Variants in AOPEP observed in about 807,000 individuals in gnomAD.
The protein encoded by AOPEP is aminopeptidase O (putative), also known as aminopeptidase O.
Under a neutral mutation model 98.1 loss-of-function variants are expected in AOPEP, and 77 were observed. That is an observed-to-expected ratio of 0.78 (90% confidence interval 0.65 to 0.95). The LOEUF (loss-of-function observed/expected upper bound fraction) is 0.95. Ranked by LOEUF, AOPEP falls within the 40% of genes least tolerant of loss-of-function variation. The probability of loss-of-function intolerance (pLI) is 0.00; values close to 1 mark genes in which losing one functional copy is unlikely to be tolerated. For missense variants in AOPEP, 1,024 were observed against 1,024.7 expected (o/e 1.00, Z 0.01); for synonymous variants, 346 against 365.3 (o/e 0.95, Z 0.60).
chr9:94,974,084 A>G (rs1332488201), intron 10 of AOPEP, among the ~76,000 whole-genome samples: 1 of 152,124 alleles, frequency 6.6e-6, no homozygotes, highest in Non-Finnish European at 1.5e-5. Context: ...TTCTTCCCTG[A>G]GCTACCTGCA....
chr9:94,730,870 T>G (rs909122484), intron 1 of AOPEP, among the ~76,000 whole-genome samples: 1 of 152,232 alleles, frequency 6.6e-6, no homozygotes, highest in Non-Finnish European at 1.5e-5. Context: ...AATATAATTA[T>G]ACTATTTTAT....
At chr9:95,111,175 T>C in the AOPEP span, 3 of 1,535,892 alleles carry the variant, frequency 2.0e-6, no homozygotes, top group Middle Eastern at 1.7e-4. Flanking sequence ...GGGGCAGATA[T>C]GGCAGCTGAG....
At chr9:94,783,881 A>G (rs534052369) in intron 3 of AOPEP, among the ~76,000 whole-genome samples, 1 of 152,140 alleles carries the variant, frequency 6.6e-6, no homozygotes, top group Non-Finnish European at 1.5e-5. Flanking sequence ...GAAATAAGGA[A>G]TTGTGGTTAG....
At chr9:95,034,721 T>C (rs955147324) in intron 13 of AOPEP, among the ~76,000 whole-genome samples, 2 of 152,230 alleles carry the variant, frequency 1.3e-5, no homozygotes, top group Non-Finnish European at 2.9e-5. Context: ...TCAAGTTTGC[T>C]CTTAATTCTG....
intron 7 of AOPEP, among the ~76,000 whole-genome samples, chr9:94,947,440 G>A (rs952674403): frequency 2.9e-4 from 44 of 152,088 alleles, no homozygotes; most frequent in African/African-American, 8.2e-4. Context: ...ACCACATCTC[G>A]CTTTGTTGCC....
At chr9:95,139,861 TATTC>T in the AOPEP span, among the ~76,000 whole-genome samples, 1 of 147,388 alleles carries the variant, frequency 6.8e-6, no homozygotes, top group East Asian at 2.0e-4. Flanking sequence ...TAAATATATA[TATTC>T]ATTCATTCTG....
intron 1 of AOPEP, among the ~76,000 whole-genome samples, chr9:94,755,980 C>A (rs1184446585): frequency 6.6e-6 from 1 of 151,852 alleles, no homozygotes; most frequent in Non-Finnish European, 1.5e-5. Flanking sequence ...CAACCCTAGG[C>A]CAGGCAGGGT....
chr9:95,091,338 T>G (rs930178915), downstream of AOPEP, among the ~76,000 whole-genome samples: 1 of 152,192 alleles, frequency 6.6e-6, no homozygotes, highest in Admixed American at 6.5e-5. Context: ...AGCAGAACTC[T>G]GGGTGCGCAG....
At chr9:94,958,092 C>G (rs1290506880) in intron 9 of AOPEP, among the ~76,000 whole-genome samples, 1 of 152,176 alleles carries the variant, frequency 6.6e-6, no homozygotes, top group Non-Finnish European at 1.5e-5. Context: ...TACTTTCTGT[C>G]TCTGTGAGTT....
intron 7 of AOPEP, among the ~76,000 whole-genome samples, chr9:94,942,727 G>A (rs138378232): frequency 4.6e-5 from 7 of 152,106 alleles, no homozygotes; most frequent in East Asian, 1.9e-4. Context: ...GTAAAGTTTC[G>A]AGATATAGGA....
chr9:95,117,327 G>A, the AOPEP span: 6 of 1,614,070 alleles, frequency 3.7e-6, no homozygotes, highest in Non-Finnish European at 5.1e-6. Flanking sequence ...TGAGGGTCTT[G>A]CAGCAGCACC....
chr9:95,037,488 G>A (rs776826476), intron 13 of AOPEP, among the ~76,000 whole-genome samples: 1 of 152,184 alleles, frequency 6.6e-6, no homozygotes, highest in Non-Finnish European at 1.5e-5. Context: ...ACCAAAGCTC[G>A]ATGAATTCAG....
chr9:95,145,307 C>T, the AOPEP span: 1 of 152,218 alleles, frequency 6.6e-6, no homozygotes, highest in East Asian at 1.9e-4. Context: ...ACAAATACAA[C>T]AAAACATTAG....
chr9:94,852,362 G>A (rs2043659360), intron 5 of AOPEP, among the ~76,000 whole-genome samples: 1 of 152,218 alleles, frequency 6.6e-6, no homozygotes. Context: ...TTCAACCCTA[G>A]TTCAATGTTA....
At chr9:94,875,921 A>G (rs905368590) in intron 5 of AOPEP, among the ~76,000 whole-genome samples, 2 of 152,232 alleles carry the variant, frequency 1.3e-5, no homozygotes, top group South Asian at 2.1e-4. Context: ...TCAACACTCA[A>G]TAGATAGCTG....
At chr9:94,741,398 G>A (rs1056259501) in intron 1 of AOPEP, among the ~76,000 whole-genome samples, 3 of 151,730 alleles carry the variant, frequency 2.0e-5, no homozygotes, top group South Asian at 2.1e-4. Flanking sequence ...TCAGCCCCCC[G>A]AGTAGCTGGG....
At chr9:94,862,187 A>G (rs955231125) in intron 5 of AOPEP, among the ~76,000 whole-genome samples, 2 of 152,212 alleles carry the variant, frequency 1.3e-5, no homozygotes, top group African/African-American at 2.4e-5. Context: ...GAGACTTCAC[A>G]TGTGCCTGTT....
the AOPEP span, among the ~76,000 whole-genome samples, chr9:95,105,422 A>G: frequency 6.6e-6 from 1 of 152,228 alleles, no homozygotes; most frequent in East Asian, 1.9e-4. Context: ...TTCTGTATGT[A>G]TATGTCAACA....
intron 1 of AOPEP, among the ~76,000 whole-genome samples, chr9:94,732,582 A>T (rs912257811): frequency 2.0e-5 from 3 of 152,198 alleles, no homozygotes; most frequent in Non-Finnish European, 4.4e-5. Context: ...ATATTTTATT[A>T]CCTTATTCAC....
Sources: gnomAD v4.1 joint callset for allele counts (sites outside exome capture counted in the v4.1 genomes callset) on GRCh38, gnomAD v4.1.1 for gene constraint, MANE v1.5 for transcripts, NCBI Gene and HGNC (gene_info 2026-07-23, HGNC 2026-07-21) for gene names.